The following FOCAD variants were observed in gnomAD, a reference collection of about 807,000 sequenced individuals.
The protein encoded by FOCAD is KIAA1797.
A neutral mutation model predicts 225.6 loss-of-function variants in FOCAD; 198 were observed. That is an observed-to-expected ratio of 0.88 (90% CI 0.78 to 0.99). FOCAD has a LOEUF of 0.99. Ranked by LOEUF, FOCAD falls within the 50% of genes least tolerant of loss-of-function variation. The pLI is 0.00. For missense variants in FOCAD, 2,713 were observed against 2,123.6 expected (o/e 1.28, Z -5.46); for synonymous variants, 897 against 755.0 (o/e 1.19, Z -3.08).
At chr9:20,975,334 A>G (rs1388765738) in intron 35 of FOCAD, among the ~76,000 whole-genome samples, 1 of 152,220 alleles carries the variant, frequency 6.6e-6, no homozygotes, top group Non-Finnish European at 1.5e-5. Context: ...AAATAGGAAT[A>G]TAATATTAAA....
rs1385229570 is a variant in FOCAD at position 20,720,427 on chromosome 9, A to T, written c.180A>T (p.Val60=). The change falls in exon 4 of 44, where the codon GTA becomes GTT. Residue 60 remains valine (V), a synonymous_variant. Coordinates refer to ENST00000338382, the MANE Select transcript of FOCAD (RefSeq NM_001375567.1). ...LLWEKCCSDN[V]VVRTACCEGL... ...GGGAGAAGTGTTGCAGTGACAATGTAGTGGTTCGAACAGCCTGCTGTGAAG... is the reference window on the plus strand; with the variant it reads ...GGGAGAAGTGTTGCAGTGACAATGTTGTGGTTCGAACAGCCTGCTGTGAAG... 3 of 1,613,950 alleles carry T rather than the reference A, an allele frequency of 1.9e-6. No homozygotes were observed. Among genetic ancestry groups the T allele is most frequent in the African/African-American group, 1.3e-5 (1 of 74,898 alleles).
chr9:20,862,433 G>A, intron 15 of FOCAD, 145 bp from the exon 16 acceptor site: 1 of 778,174 alleles, frequency 1.3e-6, no homozygotes, highest in Non-Finnish European at 1.9e-6. Flanking sequence ...TCATTTGAGG[G>A]GTGGTACCTT....
At chr9:20,692,856 T>A (rs1322418093) in intron 1 of FOCAD, among the ~76,000 whole-genome samples, 1 of 152,074 alleles carries the variant, frequency 6.6e-6, no homozygotes, top group Non-Finnish European at 1.5e-5. Flanking sequence ...ATTAGCCTAC[T>A]TTTTTTTCTG....
chr9:20,952,892 C>A, intron 34 of FOCAD, 93 bp from the exon 35 acceptor site: 1 of 963,522 alleles, frequency 1.0e-6, no homozygotes, highest in Non-Finnish European at 1.6e-6. Flanking sequence ...TCCACTTTGT[C>A]TCTAGGTTGA....
At chr9:20,692,867 A>G (rs1250004456) in intron 1 of FOCAD, among the ~76,000 whole-genome samples, 2 of 152,100 alleles carry the variant, frequency 1.3e-5, no homozygotes, top group East Asian at 3.9e-4. Flanking sequence ...TTTTTTTCTG[A>G]GGGGGTGCAG....
chr9:20,699,752 A>T (rs1823699922), intron 1 of FOCAD, among the ~76,000 whole-genome samples: 8 of 51,658 alleles, frequency 1.5e-4, no homozygotes, highest in Admixed American at 6.2e-4. Flanking sequence ...AAAAAAAAAA[A>T]AAAAAAAAAA....
chr9:20,811,680 G>A (rs1429701448), intron 11 of FOCAD, among the ~76,000 whole-genome samples: 1 of 151,884 alleles, frequency 6.6e-6, no homozygotes, highest in Non-Finnish European at 1.5e-5. Flanking sequence ...CCTTATAAGT[G>A]GAGGAAGTAA....
intron 39 of FOCAD, among the ~76,000 whole-genome samples, chr9:20,982,783 C>T (rs960653186): frequency 2.6e-5 from 4 of 152,220 alleles, no homozygotes; most frequent in Non-Finnish European, 5.9e-5. Flanking sequence ...TTATTTCCCA[C>T]ACCCATGCCC....
intron 6 of FOCAD, 96 bp from the exon 7 acceptor site, chr9:20,764,773 T>C: frequency 1.1e-6 from 1 of 908,262 alleles, no homozygotes; most frequent in Non-Finnish European, 1.7e-6. Context: ...TATGGTAGAT[T>C]ATGTTATGTC....
At chr9:20,891,234 A>G (rs930142288) in intron 21 of FOCAD, among the ~76,000 whole-genome samples, 1 of 152,156 alleles carries the variant, frequency 6.6e-6, no homozygotes, top group Admixed American at 6.6e-5. Context: ...GGGCCTCCCT[A>G]TTCTCTGAGA....
chr9:20,986,320 G>A lies in FOCAD; in HGVS notation c.4761G>A (p.Leu1587=). 1 of 1,331,880 alleles carries A rather than the reference G, an allele frequency of 7.5e-7. No individual in the cohort carries two copies. The highest frequency in any genetic ancestry group is 9.9e-7 in the Non-Finnish European group (1 of 1,009,958). The allele number at this position is 1,331,880 out of a possible 1,614,324, so 82.5% of individuals were successfully genotyped here. A position where few individuals can be genotyped will look rare whatever the true frequency, so the allele number is the denominator to read the frequency against. Residue 1587 remains leucine (L), a synonymous_variant, in exon 40 of 44, where the codon CTG becomes CTA. Coordinates refer to ENST00000338382, the MANE Select transcript of FOCAD (RefSeq NM_001375567.1). The part of the protein sequence containing the change: ...SNIEKAAFVK[L]YLVSQGRFPL... ...TAGAAAAAGCTGCCTTTGTCAAACT[G>A]TACTTAGTCTCTCAAGGACGATTCC...
chr9:20,969,082 T>A (rs1839530323), intron 35 of FOCAD, among the ~76,000 whole-genome samples: 1 of 152,162 alleles, frequency 6.6e-6, no homozygotes, highest in African/African-American at 2.4e-5. Flanking sequence ...AGTTTTCCAG[T>A]TTTTTTGGAA....
At chr9:20,744,668 A>G (rs1827899109) in intron 5 of FOCAD, among the ~76,000 whole-genome samples, 1 of 152,134 alleles carries the variant, frequency 6.6e-6, no homozygotes, top group African/African-American at 2.4e-5. Context: ...AGGTGTTGGT[A>G]TTTTTTTAAA....
At chr9:20,808,192 G>A (rs1393543463) in intron 11 of FOCAD, among the ~76,000 whole-genome samples, 4 of 152,182 alleles carry the variant, frequency 2.6e-5, no homozygotes, top group African/African-American at 7.2e-5. Flanking sequence ...TACTAAGAGC[G>A]CGATGGAATG....
At chr9:20,988,000 T>C (rs747709200) in intron 40 of FOCAD, among the ~76,000 whole-genome samples, 2 of 152,224 alleles carry the variant, frequency 1.3e-5, no homozygotes, top group Non-Finnish European at 2.9e-5. Flanking sequence ...CAATTCAACA[T>C]TGCTAGTTAG....
chr9:20,796,271 A>G (rs1330241471), intron 11 of FOCAD, among the ~76,000 whole-genome samples: 3 of 152,266 alleles, frequency 2.0e-5, no homozygotes, highest in Middle Eastern at 6.8e-3. Flanking sequence ...GCCACAATAA[A>G]CATACGTGTG....
intron 18 of FOCAD, among the ~76,000 whole-genome samples, chr9:20,871,758 T>G (rs1367781322): frequency 2.9e-5 from 2 of 69,358 alleles, no homozygotes; most frequent in Admixed American, 2.1e-4. Flanking sequence ...GGGACTGTTG[T>G]GGGGTGGGGG....
chr9:20,657,903 G>T, upstream of FOCAD, among the ~76,000 whole-genome samples: 1 of 131,186 alleles, frequency 7.6e-6, no homozygotes, highest in East Asian at 2.2e-4. Flanking sequence ...CCCCATCTTT[G>T]TGGTTTTATC....
At chr9:20,780,307 C>A (rs924288461) in intron 9 of FOCAD, among the ~76,000 whole-genome samples, 1 of 152,000 alleles carries the variant, frequency 6.6e-6, no homozygotes, top group Non-Finnish European at 1.5e-5. Flanking sequence ...TGTTTTCTGA[C>A]AAAAAAATTC....
Sources: gnomAD v4.1 joint callset for allele counts (sites outside exome capture counted in the v4.1 genomes callset) on GRCh38, gnomAD v4.1.1 for gene constraint, MANE v1.5 for transcripts, NCBI Gene and HGNC (gene_info 2026-07-23, HGNC 2026-07-21) for gene names.